MRPS18A: variants seen among roughly 807,000 people sequenced by gnomAD.
MRPS18A encodes the protein large ribosomal subunit protein mL66.
In MRPS18A, 20 loss-of-function variants were observed where a neutral mutation model predicts 22.7. The ratio of observed to expected loss-of-function variants is 0.88; its 90% CI spans 0.62 to 1.28. MRPS18A has a LOEUF of 1.28. Among genes scored for constraint, MRPS18A ranks in the 50% most tolerant of loss-of-function variants. The pLI is 0.00. For missense variants in MRPS18A, 294 were observed against 262.6 expected, an observed-to-expected ratio of 1.12 and a Z score of -0.83; for synonymous variants, 106 against 99.1, an observed-to-expected ratio of 1.07 and a Z score of -0.41.
At chr6:43,680,309 G>C (rs2095611441) in intron 2 of MRPS18A, among the ~76,000 whole-genome samples, 1 of 152,204 alleles carries the variant, frequency 6.6e-6, no homozygotes, top group Non-Finnish European at 1.5e-5. Flanking sequence ...GCATTCTAGG[G>C]GGAGACCCAA....
At chr6:43,675,377 TATAATTAACACTCCGG>T (rs745881939) in intron 4 of MRPS18A, 101 bp downstream of exon 4, 15 of 1,596,418 alleles carry the variant, frequency 9.4e-6, no homozygotes, top group Admixed American at 1.7e-5. Context: ...GGGTGGTGAG[TATAATTAACACTCCGG>T]ATATCCACTT....
At chr6:43,672,852 G>T (rs932747846) in intron 5 of MRPS18A, among the ~76,000 whole-genome samples, 6 of 152,370 alleles carry the variant, frequency 3.9e-5, no homozygotes, top group African/African-American at 1.4e-4. Context: ...TGTGTTGACA[G>T]AAGCTGCGGG....
intron 3 of MRPS18A, among the ~76,000 whole-genome samples, chr6:43,676,862 C>G (rs1364245096): frequency 6.6e-6 from 1 of 152,200 alleles, no homozygotes; most frequent in Non-Finnish European, 1.5e-5. Flanking sequence ...AATTCCCACC[C>G]CTGTACTTTT....
chr6:43,679,693 G>A (rs1006971639), intron 2 of MRPS18A, among the ~76,000 whole-genome samples: 1 of 152,170 alleles, frequency 6.6e-6, no homozygotes, highest in African/African-American at 2.4e-5. Context: ...TCTCCTGGGG[G>A]AGAAGTGGCA....
chr6:43,679,222 A>T (rs187689467), intron 2 of MRPS18A, among the ~76,000 whole-genome samples: 1 of 152,106 alleles, frequency 6.6e-6, no homozygotes, highest in Non-Finnish European at 1.5e-5. Flanking sequence ...TGGGGGAGGG[A>T]GTGCTACTGC....
intron 4 of MRPS18A, 21 bp downstream of exon 4, chr6:43,675,473 T>C (rs1386528173): frequency 1.9e-6 from 3 of 1,614,148 alleles, no homozygotes; most frequent in East Asian, 2.2e-5. Flanking sequence ...TCTGCCCCTC[T>C]TGGTCCCCAG....
intron 5 of MRPS18A, among the ~76,000 whole-genome samples, chr6:43,674,467 C>T (rs773032773): frequency 6.6e-6 from 1 of 152,242 alleles, no homozygotes; most frequent in Non-Finnish European, 1.5e-5. Flanking sequence ...CAAATCAATT[C>T]TACAGACCTG....
At position 43,687,755 on chromosome 6, in the gene MRPS18A, A is replaced by T; in HGVS notation, c.25T>A (p.Ser9Thr). Residue 9 changes from serine to threonine, a missense_variant, in exon 1 of 6, where the codon TCC becomes ACC. By Grantham distance (58) the Ser-to-Thr change is moderately conservative. Transcript: ENST00000372133. MAALKALV[S>T]GCGRLLRGLL... Reference sequence around the variant, plus strand: ...CCACGGAGAAGCCGCCCACAGCCGGACACCAGAGCCTTGAGGGCCGCCATC... The same window carrying T: ...CCACGGAGAAGCCGCCCACAGCCGGTCACCAGAGCCTTGAGGGCCGCCATC... The T allele has an allele frequency of 6.3e-7, 1 of 1,583,018 alleles. No homozygotes were observed. Among genetic ancestry groups the T allele is most frequent in the Non-Finnish European group, 8.6e-7 (1 of 1,164,536 alleles).
rs1430153137 is a variant in MRPS18A at position 43,687,766 on chromosome 6, T to C, written c.14A>G (p.Lys5Arg). The change falls in exon 1 of 6, where the codon AAG (lysine) becomes AGG (arginine). Residue 5 changes from lysine (K) to arginine (R), a missense_variant. Coordinates refer to ENST00000372133, the MANE Select transcript of MRPS18A (RefSeq NM_018135.4). MAAL[K>R]ALVSGCGRLL... ...CCGCCCACAGCCGGACACCAGAGCC[T>C]TGAGGGCCGCCATCTTCAAAAACCT... 2 of 1,577,270 alleles carry C rather than the reference T, an allele frequency of 1.3e-6. No individual in the cohort carries two copies. The highest frequency in any genetic ancestry group is 8.6e-7 in the Non-Finnish European group (1 of 1,161,332).
chr6:43,683,204 G>A (rs28379509), intron 1 of MRPS18A, among the ~76,000 whole-genome samples: 11,660 of 152,168 alleles, frequency 0.077, 1,465 homozygotes, highest in African/African-American at 0.26. Context: ...CCCCCTCCAC[G>A]CAGCAACTGT....
intron 3 of MRPS18A, among the ~76,000 whole-genome samples, chr6:43,676,710 C>G (rs968872938): frequency 5.3e-5 from 8 of 152,232 alleles, no homozygotes; most frequent in African/African-American, 1.9e-4. Flanking sequence ...GAAAACTCAC[C>G]ATTCCCCTCC....
intron 5 of MRPS18A, among the ~76,000 whole-genome samples, 198 bp downstream of exon 5, chr6:43,675,004 G>A (rs540472993): frequency 1.6e-4 from 24 of 152,300 alleles, no homozygotes; most frequent in African/African-American, 3.6e-4. Context: ...CCCTCCTTGC[G>A]CCTTTGCTAA....
intron 5 of MRPS18A, chr6:43,672,144 A>G (rs1343110937): frequency 1.7e-6 from 1 of 588,658 alleles, no homozygotes; most frequent in Non-Finnish European, 3.1e-6. Context: ...GCCCAGGGCC[A>G]CAAGCTCCCT....
chr6:43,675,314 G>A (rs745962590), intron 4 of MRPS18A, 43 bp from the exon 5 acceptor site: 31 of 1,554,542 alleles, frequency 2.0e-5, no homozygotes, highest in Admixed American at 7.4e-5. Context: ...AGCTCCCTCT[G>A]CAGCTCTGAG....
chr6:43,680,489 C>T (rs988173490), intron 2 of MRPS18A, among the ~76,000 whole-genome samples: 1 of 152,274 alleles, frequency 6.6e-6, no homozygotes, highest in African/African-American at 2.4e-5. Flanking sequence ...GCGTTGTTGT[C>T]TTTTAAGGAT....
chr6:43,686,968 T>C (rs1774740179), intron 1 of MRPS18A, among the ~76,000 whole-genome samples: 1 of 152,218 alleles, frequency 6.6e-6, no homozygotes, highest in Non-Finnish European at 1.5e-5. Context: ...TTGGAGTGTG[T>C]ATATACATAA....
chr6:43,675,706 TG>T (rs1774015491), intron 3 of MRPS18A, 89 bp from the exon 4 acceptor site: 15 of 1,447,410 alleles, frequency 1.0e-5, no homozygotes, highest in African/African-American at 4.2e-5. Flanking sequence ...CAGGGGAGGC[TG>T]ATATCTCCTG....
chr6:43,678,636 G>A lies in MRPS18A; in HGVS notation c.145-11C>T, dbSNP rs1422138574. On this transcript the variant is annotated splice_polypyrimidine_tract_variant and intron_variant, in intron 2 of 5. Transcript: ENST00000372133. Reference sequence around the variant, plus strand: ...GATACGGCCTTCAATCTAGGAGACAGAGAAAGTGAGCCAGTGTGAGAGACA... The same window carrying A: ...GATACGGCCTTCAATCTAGGAGACAAAGAAAGTGAGCCAGTGTGAGAGACA... The A allele has an allele frequency of 1.3e-6, 2 of 1,594,512 alleles. No homozygotes were observed. The highest frequency in any genetic ancestry group is 1.1e-5 in the South Asian group (1 of 90,696).
At chr6:43,678,358 T>C (rs1360909986) in intron 3 of MRPS18A, 160 bp downstream of exon 3, 4 of 583,748 alleles carry the variant, frequency 6.9e-6, no homozygotes, top group Admixed American at 2.8e-5. Context: ...GTGATTCTAA[T>C]GTGCAGCCAG....
Sources: gnomAD v4.1 joint callset for allele counts (sites outside exome capture counted in the v4.1 genomes callset) on GRCh38, gnomAD v4.1.1 for gene constraint, MANE v1.5 for transcripts, NCBI Gene and HGNC (gene_info 2026-07-23, HGNC 2026-07-21) for gene names.